NDUFA10: variants seen among roughly 807,000 people sequenced by gnomAD.
NDUFA10 encodes the protein NADH:ubiquinone oxidoreductase subunit A10, also known as NADH dehydrogenase [ubiquinone] 1 alpha subcomplex subunit 10, mitochondrial.
In NDUFA10, 40 loss-of-function variants were observed where a neutral mutation model predicts 47.8. That is an observed-to-expected ratio of 0.84 (90% CI 0.65 to 1.09). The LOEUF is 1.09. Among genes scored for constraint, NDUFA10 ranks in the 50% least tolerant of loss-of-function variants. NDUFA10 has a pLI of 0.00. For missense variants in NDUFA10, 413 were observed against 451.1 expected (o/e 0.92, Z 0.76); for synonymous variants, 183 against 172.2 (o/e 1.06, Z -0.49).
At chr2:239,946,840 G>A (rs990702329) in intron 4 of NDUFA10, among the ~76,000 whole-genome samples, 9 of 152,276 alleles carry the variant, frequency 5.9e-5, no homozygotes, top group Admixed American at 6.5e-5. Flanking sequence ...TGGGGCCAGA[G>A]GGCCCCATGC....
At chr2:239,947,852 G>A (rs1050687112) in intron 4 of NDUFA10, among the ~76,000 whole-genome samples, 5 of 152,210 alleles carry the variant, frequency 3.3e-5, no homozygotes, top group African/African-American at 7.2e-5. Flanking sequence ...AGATGAAAAC[G>A]GGAGGCTCTG....
chr2:239,982,056 G>A (rs1559350691), intron 9 of NDUFA10: 7 of 1,606,760 alleles, frequency 4.4e-6, no homozygotes, highest in Non-Finnish European at 5.9e-6. Context: ...CACGTTCTGT[G>A]GAATGTCCTC....
rs370647399 is a variant in NDUFA10, at chr2:239,961,110, C to A, written c.*8G>T. On this transcript the variant is annotated 3_prime_UTR_variant, in exon 10 of 10. Coordinates refer to ENST00000252711, the MANE Select transcript of NDUFA10 (RefSeq NM_004544.4). ...ACTGTGATGCAGCTGGAGCAGAAGGCGGCCCGTTCACTTCAGCCAGATCCA... is the reference window on the plus strand; with the variant it reads ...ACTGTGATGCAGCTGGAGCAGAAGGAGGCCCGTTCACTTCAGCCAGATCCA... 9 of 1,614,074 alleles carry A rather than the reference C, an allele frequency of 5.6e-6. No individual in the cohort carries two copies. Among genetic ancestry groups the A allele is most frequent in the Non-Finnish European group, 6.8e-6 (8 of 1,179,996 alleles).
chr2:239,932,964 C>T lies in NDUFA10; in HGVS notation c.295-37650G>A, dbSNP rs554458270. Among the ~76,000 whole-genome samples the T allele has an allele frequency of 2.6e-4, 39 of 152,322 alleles. 1 individual carries two copies. The South Asian group carries it at 6.4e-3, about 25-fold the overall frequency. On this transcript the variant is annotated intron_variant, in intron 4 of 5. Transcript: ENST00000419408. Reference sequence around the variant, plus strand: ...AGCCTACACTATGAGCGAGACTCCACCGTACACGCTAGAAGCAGCCCTCAG... The same window carrying T: ...AGCCTACACTATGAGCGAGACTCCATCGTACACGCTAGAAGCAGCCCTCAG...
In NDUFA10 at chr2:239,961,155, T is replaced by A. The variant is rs1694836613; in HGVS notation, c.1031A>T (p.Asn344Ile). 2 of 1,614,070 alleles carry A rather than the reference T, an allele frequency of 1.2e-6. No individual in the cohort carries two copies. Among genetic ancestry groups the A allele is most frequent in the East Asian group, 4.5e-5 (2 of 44,854 alleles). Residue 344 changes from asparagine (N) to isoleucine (I), a missense_variant, in exon 10 of 10, where the codon AAC (asparagine) becomes ATC (isoleucine). Physicochemically the swap from Asn to Ile is moderately radical, Grantham distance 149 (BLOSUM62 -3). Transcript: ENST00000252711. Reference sequence around the variant, plus strand: ...GATCCACTTGTCTCCCACCTCGGTGTTGTACCCAGGGCTGTACTTGCGGCC... The same window carrying A: ...GATCCACTTGTCTCCCACCTCGGTGATGTACCCAGGGCTGTACTTGCGGCC... Reference protein sequence around the residue: ...LPGRKYSPGYNTEVGDKWIWL... With the variant: ...LPGRKYSPGYITEVGDKWIWL...
intron 4 of NDUFA10, among the ~76,000 whole-genome samples, chr2:239,920,472 G>C (rs138526320): frequency 5.9e-5 from 9 of 152,348 alleles, no homozygotes; most frequent in Admixed American, 3.3e-4. Context: ...AAATCAAAAG[G>C]CTTCAGCAGC....
At chr2:240,018,020 G>A in intron 4 of NDUFA10, 1 of 842,076 alleles carries the variant, frequency 1.2e-6, no homozygotes, top group Non-Finnish European at 1.9e-6. Context: ...AGGTCAGCCT[G>A]CTTCAAACCA....
At chr2:239,903,196 C>T (rs896842771) in intron 4 of NDUFA10, among the ~76,000 whole-genome samples, 6 of 152,124 alleles carry the variant, frequency 3.9e-5, no homozygotes, top group African/African-American at 9.7e-5. Context: ...GTGAGACGTG[C>T]GCTCCTTCCC....
intron 8 of NDUFA10, among the ~76,000 whole-genome samples, chr2:239,998,700 A>G (rs1263775119): frequency 6.6e-6 from 1 of 152,218 alleles, no homozygotes; most frequent in Admixed American, 6.5e-5. Context: ...ACCAGCCCCC[A>G]GTAAAAATTA....
At chr2:239,970,700 T>C (rs964242375) in intron 9 of NDUFA10, among the ~76,000 whole-genome samples, 9 of 152,186 alleles carry the variant, frequency 5.9e-5, no homozygotes, top group Admixed American at 2.0e-4. Flanking sequence ...AAGGTGTGGA[T>C]TGACTGTGAC....
chr2:239,972,422 T>G (rs1002870204), intron 9 of NDUFA10, among the ~76,000 whole-genome samples: 1 of 152,098 alleles, frequency 6.6e-6, no homozygotes, highest in East Asian at 1.9e-4. Context: ...AGTTCTGGGG[T>G]GATTTGGAAA....
At chr2:240,014,329 A>C in intron 5 of NDUFA10, 1 of 306,408 alleles carries the variant, frequency 3.3e-6, no homozygotes, top group East Asian at 8.2e-5. Flanking sequence ...ATTTGCGTTA[A>C]ATAGATTGAA....
chr2:240,013,819 G>A (rs1311673341), intron 5 of NDUFA10: 2 of 152,352 alleles, frequency 1.3e-5, no homozygotes, highest in East Asian at 1.9e-4. Flanking sequence ...GGAACAGGCA[G>A]GTAGCCCTGC....
At chr2:240,010,632 C>G (rs1468624887) in intron 6 of NDUFA10, among the ~76,000 whole-genome samples, 1 of 151,924 alleles carries the variant, frequency 6.6e-6, no homozygotes, top group Non-Finnish European at 1.5e-5. Flanking sequence ...TTCTTACCAC[C>G]TAAGAAAGAA....
intron 4 of NDUFA10, among the ~76,000 whole-genome samples, chr2:239,908,549 G>C (rs1023443575): frequency 6.6e-6 from 1 of 152,192 alleles, no homozygotes; most frequent in Admixed American, 6.5e-5. Context: ...TGGGGATTGA[G>C]GGCTCCCTGA....
intron 4 of NDUFA10, among the ~76,000 whole-genome samples, chr2:239,944,153 G>A (rs534550444): frequency 6.6e-6 from 1 of 152,336 alleles, no homozygotes; most frequent in Admixed American, 6.5e-5. Flanking sequence ...AGGCCCCTGA[G>A]AGGAGGCACA....
chr2:240,004,632 C>T (rs537200730), intron 8 of NDUFA10, among the ~76,000 whole-genome samples: 3 of 151,960 alleles, frequency 2.0e-5, no homozygotes, highest in African/African-American at 7.2e-5. Flanking sequence ...TGCTCCATTC[C>T]GCTGTGGCCT....
intron 9 of NDUFA10, 111 bp from the exon 10 acceptor site, chr2:239,961,297 C>A: frequency 3.8e-6 from 6 of 1,573,384 alleles, no homozygotes; most frequent in Non-Finnish European, 5.2e-6. Context: ...GTTCCTTCAG[C>A]AATGCTGGTG....
intron 1 of NDUFA10, among the ~76,000 whole-genome samples, chr2:240,023,242 A>T (rs1697711380): frequency 6.6e-6 from 1 of 152,276 alleles, no homozygotes; most frequent in Admixed American, 6.5e-5. Flanking sequence ...CTATATACAG[A>T]AATTGTACAG....
Sources: allele counts gnomAD v4.1 joint callset (sites outside exome capture counted in the v4.1 genomes callset), GRCh38; gene constraint gnomAD v4.1.1; transcripts MANE v1.5; gene names NCBI Gene and HGNC (gene_info 2026-07-23, HGNC 2026-07-21).